Variants in DUS2 observed in about 807,000 individuals in gnomAD.
DUS2 encodes the protein dihydrouridine synthase 2.
In DUS2, 52 loss-of-function variants were observed where a neutral mutation model predicts 71.3. That is an observed-to-expected ratio of 0.73 (90% CI 0.58 to 0.92). DUS2 has a LOEUF of 0.92. Ranked by LOEUF, DUS2 falls within the 40% of genes least tolerant of loss-of-function variation. The pLI, the probability that DUS2 is intolerant of heterozygous loss-of-function variation, is 0.00. For synonymous variants in DUS2, 204 were observed against 227.8 expected (o/e 0.90, Z 0.94); for missense variants, 558 against 622.6 (o/e 0.90, Z 1.10).
intron 3 of DUS2, among the ~76,000 whole-genome samples, chr16:68,040,954 A>G (rs1985437): frequency 0.31 from 47,642 of 151,962 alleles, 9,010 homozygotes; most frequent in African/African-American, 0.53. Context: ...AAAGTCGCCG[A>G]GCGTGGTGGC....
At chr16:68,034,204 T>C (rs935444762) in intron 2 of DUS2, among the ~76,000 whole-genome samples, 3 of 152,110 alleles carry the variant, frequency 2.0e-5, no homozygotes, top group Non-Finnish European at 2.9e-5. Context: ...GAGCTGGTAC[T>C]ACAGGCATGC....
At chr16:68,029,264 T>G (rs541726717) in intron 2 of DUS2, among the ~76,000 whole-genome samples, 2 of 152,168 alleles carry the variant, frequency 1.3e-5, no homozygotes, top group Non-Finnish European at 2.9e-5. Context: ...TTTTTACTTT[T>G]TGTCATGTGC....
intron 2 of DUS2, among the ~76,000 whole-genome samples, chr16:68,037,454 G>C (rs903744348): frequency 7.7e-6 from 1 of 129,698 alleles, no homozygotes; most frequent in Non-Finnish European, 1.6e-5. Flanking sequence ...TCTTGCTCTT[G>C]TTGCCCAGGC....
intron 13 of DUS2, 49 bp downstream of exon 13, chr16:68,074,204 G>C: frequency 1.2e-6 from 2 of 1,609,694 alleles, no homozygotes; most frequent in Non-Finnish European, 1.7e-6. Context: ...CATTGCCCAA[G>C]TTTGACTTTG....
chr16:68,074,196 T>C, intron 13 of DUS2, 41 bp downstream of exon 13: 1 of 1,610,932 alleles, frequency 6.2e-7, no homozygotes, highest in Non-Finnish European at 8.5e-7. Context: ...CTTGTACGCA[T>C]TGCCCAAGTT....
chr16:68,043,643 T>A (rs1329089617), intron 3 of DUS2, among the ~76,000 whole-genome samples: 1 of 152,170 alleles, frequency 6.6e-6, no homozygotes, highest in Non-Finnish European at 1.5e-5. Context: ...AAATTAAAAA[T>A]TATGTTTTTA....
intron 2 of DUS2, among the ~76,000 whole-genome samples, chr16:68,028,500 G>C (rs760405107): frequency 6.7e-6 from 1 of 149,864 alleles, no homozygotes; most frequent in Admixed American, 6.6e-5. Context: ...TTAGCTGGGC[G>C]TGGTGGTGGG....
At chr16:68,048,156 G>A (rs138394637) in intron 3 of DUS2, among the ~76,000 whole-genome samples, 20 of 152,302 alleles carry the variant, frequency 1.3e-4, no homozygotes, top group African/African-American at 4.8e-4. Context: ...TTTGCCATGT[G>A]TGGCCTATAA....
chr16:68,065,398 A>G (rs2151423449), intron 8 of DUS2, among the ~76,000 whole-genome samples: 1 of 151,236 alleles, frequency 6.6e-6, no homozygotes, highest in African/African-American at 2.4e-5. Flanking sequence ...TTTAATAGAA[A>G]CAGGGATGGG....
chr16:68,031,752 T>C (rs572583821), intron 2 of DUS2, among the ~76,000 whole-genome samples: 56 of 152,226 alleles, frequency 3.7e-4, no homozygotes, highest in Non-Finnish European at 5.1e-4. Flanking sequence ...TGGAGGGCAG[T>C]GGTGCGATCT....
chr16:68,043,875 G>A (rs2033665794), intron 3 of DUS2, among the ~76,000 whole-genome samples: 1 of 152,022 alleles, frequency 6.6e-6, no homozygotes, highest in African/African-American at 2.4e-5. Context: ...ATGTTGGCCG[G>A]GCTTGTATTG....
At chr16:68,056,589 A>G (rs1263505437) in intron 7 of DUS2, among the ~76,000 whole-genome samples, 165 bp downstream of exon 7, 1 of 152,120 alleles carries the variant, frequency 6.6e-6, no homozygotes, top group African/African-American at 2.4e-5. Flanking sequence ...AATAGGGACC[A>G]TAGTATATTA....
At chr16:68,044,038 G>A (rs947211347) in intron 3 of DUS2, among the ~76,000 whole-genome samples, 1 of 152,072 alleles carries the variant, frequency 6.6e-6, no homozygotes, top group Non-Finnish European at 1.5e-5. Flanking sequence ...TTTCTGTTAC[G>A]CTGGTCTGTA....
chr16:68,061,459 C>T (rs374313855), intron 8 of DUS2, among the ~76,000 whole-genome samples: 155 of 152,276 alleles, frequency 1.0e-3, no homozygotes, highest in Admixed American at 5.4e-3. Flanking sequence ...GTGGTGAGGA[C>T]GGGCTCAGTG....
intron 8 of DUS2, among the ~76,000 whole-genome samples, chr16:68,061,582 G>A (rs2033941216): frequency 6.6e-6 from 1 of 152,200 alleles, no homozygotes; most frequent in African/African-American, 2.4e-5. Flanking sequence ...TTGGAGAGAA[G>A]CCCGGGCCAG....
intron 12 of DUS2, among the ~76,000 whole-genome samples, chr16:68,073,722 T>TA (rs935545618): frequency 6.6e-6 from 1 of 152,152 alleles, no homozygotes; most frequent in African/African-American, 2.4e-5. Context: ...GTGCTGTGAT[T>TA]ACAGGCGTGA....
At chr16:68,038,289 A>G in intron 3 of DUS2, 140 bp downstream of exon 3, 2 of 1,211,072 alleles carry the variant, frequency 1.7e-6, no homozygotes, top group East Asian at 2.6e-5. Context: ...GAGGAGACAA[A>G]CATGTGTGAC....
intron 3 of DUS2, among the ~76,000 whole-genome samples, chr16:68,047,023 T>C (rs2033712183): frequency 1.3e-5 from 2 of 151,220 alleles, no homozygotes; most frequent in Non-Finnish European, 2.9e-5. Context: ...GTGCTGGGAT[T>C]ACAGGCGTGA....
chr16:68,075,593 A>G (rs2151427023), intron 14 of DUS2, 89 bp downstream of exon 14: 1 of 1,329,264 alleles, frequency 7.5e-7, no homozygotes, highest in Non-Finnish European at 1.0e-6. Context: ...TATGTGCTTA[A>G]TGTCAAACGT....
Sources: gnomAD v4.1 joint callset for allele counts (sites outside exome capture counted in the v4.1 genomes callset) on GRCh38, gnomAD v4.1.1 for gene constraint, MANE v1.5 for transcripts, NCBI Gene and HGNC (gene_info 2026-07-23, HGNC 2026-07-21) for gene names.